The following MAN2A1 variants were observed in gnomAD, a reference collection of about 807,000 sequenced individuals.
The protein encoded by MAN2A1 is alpha-mannosidase 2.
MAN2A1 carries 76 observed loss-of-function variants against 142.6 expected under a neutral mutation model. The observed-to-expected ratio is 0.53, with a 90% confidence interval of 0.44 to 0.65. The LOEUF is 0.65. MAN2A1 is among the 30% of genes least tolerant of loss of function. MAN2A1 has a pLI of 0.00. For synonymous variants in MAN2A1, 559 were observed against 473.2 expected (o/e 1.18, Z -2.35); for missense variants, 1,311 against 1,365.1 (o/e 0.96, Z 0.62).
At chr5:109,808,499 A>G (rs1301713311) in intron 12 of MAN2A1, among the ~76,000 whole-genome samples, 1 of 152,046 alleles carries the variant, frequency 6.6e-6, no homozygotes, top group Non-Finnish European at 1.5e-5. Context: ...TATTTAAAAA[A>G]TTCTTTATAA....
intron 12 of MAN2A1, among the ~76,000 whole-genome samples, chr5:109,798,754 T>C (rs1252440375): frequency 6.6e-6 from 1 of 152,174 alleles, no homozygotes; most frequent in Admixed American, 6.5e-5. Context: ...CAATCTCGGC[T>C]TACTGCAAGC....
At chr5:109,736,566 C>T (rs1332455602) in intron 4 of MAN2A1, among the ~76,000 whole-genome samples, 1 of 152,054 alleles carries the variant, frequency 6.6e-6, no homozygotes, top group Admixed American at 6.6e-5. Flanking sequence ...ACTTCTTGAG[C>T]ATGAAAAATA....
At chr5:109,864,829 A>G in intron 20 of MAN2A1, 1 of 541,380 alleles carries the variant, frequency 1.8e-6, no homozygotes, top group South Asian at 2.6e-5. Flanking sequence ...ACCTTAGAAC[A>G]TAATCTTACC....
At chr5:109,727,425 C>T (rs1355625100) in intron 3 of MAN2A1, among the ~76,000 whole-genome samples, 3 of 152,008 alleles carry the variant, frequency 2.0e-5, no homozygotes, top group African/African-American at 7.3e-5. Flanking sequence ...TCTTCATGAC[C>T]TCATTTTACC....
Position 109,817,340 on chromosome 5 carries a change from C to A in MAN2A1, c.2011C>A (p.Pro671Thr). 1.2e-6 allele frequency: 2 copies of A among 1,614,060 alleles called. No homozygotes were observed. Among genetic ancestry groups the A allele is most frequent in the Non-Finnish European group, 1.7e-6 (2 of 1,179,982 alleles). Residue 671 changes from proline to threonine, a missense_variant, in exon 13 of 22, where the codon CCG becomes ACG. Physicochemically the swap from Pro to Thr is conservative, Grantham distance 38. This residue lies in a region of MAN2A1 where 890 missense variants were observed against 920.5 expected (regional missense o/e 0.97). Coordinates refer to ENST00000261483, the MANE Select transcript of MAN2A1 (RefSeq NM_002372.4). ...ISLVSVYVSS[P>T]TVQVFSASGK... ...GTTGGTCTCAGTCTATGTGAGTTCC[C>A]CGACAGTGCAAGTGTTCTCTGCTTC...
intron 4 of MAN2A1, among the ~76,000 whole-genome samples, chr5:109,752,783 TCTTTAAC>T (rs1752582324): frequency 6.6e-6 from 1 of 152,152 alleles, no homozygotes; most frequent in Admixed American, 6.6e-5. Context: ...GACAGAATAG[TCTTTAAC>T]CTTTAAGTAC....
At chr5:109,711,196 A>T (rs1018364632) in intron 1 of MAN2A1, among the ~76,000 whole-genome samples, 5 of 152,160 alleles carry the variant, frequency 3.3e-5, no homozygotes, top group Non-Finnish European at 7.4e-5. Flanking sequence ...TTTTATGAAG[A>T]TGTGTAGCTG....
intron 12 of MAN2A1, among the ~76,000 whole-genome samples, chr5:109,814,416 T>A (rs1231357236): frequency 6.6e-6 from 1 of 152,160 alleles, no homozygotes; most frequent in Non-Finnish European, 1.5e-5. Context: ...AAAGGAAATA[T>A]CTATATATGA....
rs552339591 is a variant in MAN2A1 at position 109,860,669 on chromosome 5, T to G, written c.3172-4367T>G. Among the ~76,000 whole-genome samples the G allele has an allele frequency of 6.6e-5, 10 of 152,310 alleles. No homozygotes were observed. The South Asian group carries it at 2.1e-3, about 32-fold the overall frequency. Reference sequence around the variant, plus strand: ...GAGAGGAATGACATAACTCACATCTTAAGATCTTCAGTAGAGGACTATTCA... The same window carrying G: ...GAGAGGAATGACATAACTCACATCTGAAGATCTTCAGTAGAGGACTATTCA... On this transcript the variant is annotated intron_variant, in intron 20 of 21. Transcript: ENST00000261483.
chr5:109,818,629 C>T (rs986610607), intron 13 of MAN2A1, among the ~76,000 whole-genome samples: 22 of 151,790 alleles, frequency 1.4e-4, no homozygotes, highest in Non-Finnish European at 1.5e-4. Context: ...TTTTATTAAC[C>T]GAAATATCAT....
chr5:109,810,747 T>C lies in MAN2A1; in HGVS notation c.1944-6526T>C, dbSNP rs116091906. On this transcript the variant is annotated intron_variant, in intron 12 of 21. Transcript: ENST00000261483. Reference sequence around the variant, plus strand: ...AGAAGGCTGGTCACTTTTCTGAAGTTTTTTCCTCTCTTCAGCAGTTTTTCT... The same window carrying C: ...AGAAGGCTGGTCACTTTTCTGAAGTCTTTTCCTCTCTTCAGCAGTTTTTCT... Among the ~76,000 whole-genome samples the C allele has an allele frequency of 1.3e-3, 200 of 152,286 alleles. 1 individual carries two copies. Among genetic ancestry groups the C allele is most frequent in the African/African-American group, 4.4e-3 (181 of 41,560 alleles).
At chr5:109,841,052 C>T (rs2112755571) in intron 16 of MAN2A1, among the ~76,000 whole-genome samples, 1 of 152,256 alleles carries the variant, frequency 6.6e-6, no homozygotes, top group East Asian at 1.9e-4. Flanking sequence ...AAAGCGTCAG[C>T]TTTATTGAAT....
chr5:109,801,542 A>G (rs1582911547), intron 12 of MAN2A1, among the ~76,000 whole-genome samples: 1 of 152,280 alleles, frequency 6.6e-6, no homozygotes, highest in Admixed American at 6.5e-5. Flanking sequence ...TAAAGGAGAA[A>G]GAGATAATGG....
intron 15 of MAN2A1, among the ~76,000 whole-genome samples, chr5:109,820,978 A>G (rs1365655997): frequency 1.3e-5 from 2 of 152,192 alleles, no homozygotes; most frequent in African/African-American, 2.4e-5. Context: ...TAGATTTTCC[A>G]CTGGACCATT....
At chr5:109,760,954 T>C (rs1273120984) in intron 5 of MAN2A1, among the ~76,000 whole-genome samples, 3 of 151,988 alleles carry the variant, frequency 2.0e-5, no homozygotes, top group African/African-American at 7.2e-5. Context: ...GTTCTAAATA[T>C]GAGCACTTTG....
chr5:109,749,865 ATTCT>A (rs1372842925), intron 4 of MAN2A1, among the ~76,000 whole-genome samples: 1 of 152,054 alleles, frequency 6.6e-6, no homozygotes, highest in Non-Finnish European at 1.5e-5. Context: ...GCCTGTATTC[ATTCT>A]AAGTAAATTT....
At chr5:109,819,947 T>A (rs1194520111) in intron 14 of MAN2A1, 60 bp downstream of exon 14, 3 of 1,200,390 alleles carry the variant, frequency 2.5e-6, no homozygotes, top group Non-Finnish European at 3.5e-6. Context: ...ACAATGTGTG[T>A]AGATTAATTA....
chr5:109,722,441 G>A (rs1751631011), intron 3 of MAN2A1, among the ~76,000 whole-genome samples: 1 of 152,132 alleles, frequency 6.6e-6, no homozygotes, highest in Admixed American at 6.5e-5. Context: ...TTGAGATGGA[G>A]TCTTGCTCTG....
At chr5:109,795,696 AATGTCT>A (rs1470767570) in intron 12 of MAN2A1, among the ~76,000 whole-genome samples, 1 of 152,200 alleles carries the variant, frequency 6.6e-6, no homozygotes, top group East Asian at 1.9e-4. Flanking sequence ...TCCTTTTCAT[AATGTCT>A]ACCCCCAAGG....
Sources: gnomAD v4.1 joint callset for allele counts (sites outside exome capture counted in the v4.1 genomes callset) on GRCh38, gnomAD v4.1.1 for gene constraint, gnomAD v4.1.1 regional missense constraint, MANE v1.5 for transcripts, NCBI Gene and HGNC (gene_info 2026-07-23, HGNC 2026-07-21) for gene names.